SLCO3A1: variants seen among roughly 807,000 people sequenced by gnomAD.
SLCO3A1 encodes PGE1 transporter.
A neutral mutation model predicts 63.1 loss-of-function variants in SLCO3A1; 27 were observed. The observed-to-expected ratio is 0.43, with a 90% CI of 0.32 to 0.59. The LOEUF (loss-of-function observed/expected upper bound fraction) is 0.59, where lower values mean the gene tolerates loss of function less well. SLCO3A1 is among the 20% of genes least tolerant of loss of function. The probability of loss-of-function intolerance (pLI) is 0.09; values close to 1 mark genes in which losing one functional copy is unlikely to be tolerated. For synonymous variants in SLCO3A1, 473 were observed against 409.9 expected, an observed-to-expected ratio of 1.15 and a Z score of -1.86; for missense variants, 773 against 945.8, an observed-to-expected ratio of 0.82 and a Z score of 2.40.
intron 6 of SLCO3A1, among the ~76,000 whole-genome samples, chr15:92,127,009 C>T (rs569569372): frequency 2.2e-4 from 34 of 152,338 alleles, no homozygotes; most frequent in Admixed American, 1.0e-3. Context: ...CCTGCTCCTG[C>T]GCTTGTGCCG....
In SLCO3A1 at chr15:92,101,512, G is replaced by GA. The variant is rs372118233; in HGVS notation, c.746-2756dup. ...CGACAGAGCGAGATCCACCTCAAAAGAAAAAAAAAAATTAGTATTTGTTAT... is the reference window on the plus strand; with the variant it reads ...CGACAGAGCGAGATCCACCTCAAAAGAAAAAAAAAAAATTAGTATTTGTTAT... On this transcript the variant is annotated intron_variant, in intron 3 of 9. Coordinates refer to ENST00000318445, the MANE Select transcript of SLCO3A1 (RefSeq NM_013272.4). Among the ~76,000 whole-genome samples the GA allele has an allele frequency of 1.9e-3, 281 of 146,044 alleles. 1 individual carries two copies. Among genetic ancestry groups the GA allele is most frequent in the Non-Finnish European group, 2.2e-3 (146 of 66,024 alleles).
intron 8 of SLCO3A1, among the ~76,000 whole-genome samples, chr15:92,150,584 GT>G (rs1026093519): frequency 2.0e-5 from 3 of 152,092 alleles, no homozygotes; most frequent in African/African-American, 7.2e-5. Context: ...CTCGGTTGAT[GT>G]TTTCCCCCCC....
At chr15:92,013,587 A>G (rs2046393463) in intron 2 of SLCO3A1, among the ~76,000 whole-genome samples, 1 of 152,250 alleles carries the variant, frequency 6.6e-6, no homozygotes, top group Admixed American at 6.5e-5. Context: ...TTCTCAGCTG[A>G]TGACTTAAAG....
intron 4 of SLCO3A1, among the ~76,000 whole-genome samples, chr15:92,105,118 T>G (rs1290748765): frequency 6.6e-6 from 1 of 151,816 alleles, no homozygotes; most frequent in African/African-American, 2.4e-5. Flanking sequence ...ATACAAAAAT[T>G]AGCCGGGCTT....
chr15:91,895,021 T>G (rs918628910), intron 1 of SLCO3A1, among the ~76,000 whole-genome samples: 1 of 152,224 alleles, frequency 6.6e-6, no homozygotes, highest in Admixed American at 6.5e-5. Flanking sequence ...CCCTGCTTTT[T>G]TGTTTGTCCT....
chr15:91,873,420 C>T (rs538690791), intron 1 of SLCO3A1, among the ~76,000 whole-genome samples: 23 of 151,940 alleles, frequency 1.5e-4, no homozygotes, highest in Non-Finnish European at 2.5e-4. Flanking sequence ...TCTATTATGA[C>T]GAAACAAAAA....
At position 91,916,258 on chromosome 15, in the gene SLCO3A1, T is replaced by G; in HGVS notation, c.446T>G (p.Val149Gly). Residue 149 changes from valine (V) to glycine (G), a missense_variant, in exon 2 of 10, where the codon GTC (valine) becomes GGC (glycine). Physicochemically the swap from Val to Gly is moderately radical, Grantham distance 109. Around this residue, in one of 3 missense-constraint regions of SLCO3A1, gnomAD observed 565 missense variants for 749.8 expected, o/e 0.75. Transcript: ENST00000318445. The surrounding 1 kb of genome is among the most constrained non-coding windows in gnomAD (Gnocchi z 6.2). ...EIRWGAEGRD[V>G]CAANGSGGDE... ...CGCTGGGGCGCCGAGGGCCGCGACG[T>G]CTGCGCAGCCAACGGCTCGGGCGGC... 2 of 1,568,382 alleles carry G rather than the reference T, an allele frequency of 1.3e-6. No homozygotes were observed. Among genetic ancestry groups the G allele is most frequent in the Non-Finnish European group, 8.6e-7 (1 of 1,156,966 alleles).
intron 2 of SLCO3A1, among the ~76,000 whole-genome samples, chr15:91,943,115 G>A (rs548366974): frequency 5.9e-5 from 9 of 152,320 alleles, no homozygotes; most frequent in South Asian, 2.1e-4. Flanking sequence ...AGCATAAAAC[G>A]TAGCATCTTA....
At chr15:91,864,951 G>A (rs1203740971) in intron 1 of SLCO3A1, among the ~76,000 whole-genome samples, 3 of 152,208 alleles carry the variant, frequency 2.0e-5, no homozygotes, top group Admixed American at 1.3e-4. Context: ...ACAGTCACAT[G>A]GGTAGGGACT....
At chr15:92,114,994 T>C (rs1301808697) in intron 4 of SLCO3A1, among the ~76,000 whole-genome samples, 1 of 152,128 alleles carries the variant, frequency 6.6e-6, no homozygotes. Flanking sequence ...TACTGAGCAG[T>C]TGCATGCATT....
intron 2 of SLCO3A1, among the ~76,000 whole-genome samples, chr15:91,966,612 TAAA>T (rs2151425473): frequency 6.6e-6 from 1 of 152,344 alleles, no homozygotes; most frequent in African/African-American, 2.4e-5. Context: ...AAGTTTTCAT[TAAA>T]GCAACAGGCA....
chr15:92,016,254 T>TAGATAGATTGATTAGATAGATAGATAGA, intron 2 of SLCO3A1, among the ~76,000 whole-genome samples: 284 of 95,700 alleles, frequency 3.0e-3, no homozygotes, highest in Non-Finnish European at 3.6e-3. Flanking sequence ...GATAGATAGA[T>TAGATAGATTGATTAGATAGATAGATAGA]TAGATAGATA....
At chr15:92,091,095 C>T (rs1224200600) in intron 2 of SLCO3A1, among the ~76,000 whole-genome samples, 2 of 152,198 alleles carry the variant, frequency 1.3e-5, no homozygotes, top group Non-Finnish European at 2.9e-5. Context: ...TTTCTAGCAA[C>T]GTGCTGGGGC....
At chr15:92,024,541 C>T (rs1041322875) in intron 2 of SLCO3A1, among the ~76,000 whole-genome samples, 1 of 152,190 alleles carries the variant, frequency 6.6e-6, no homozygotes, top group East Asian at 1.9e-4. Context: ...TGTATTCATC[C>T]ACCCACTCAT....
At chr15:91,974,787 A>G (rs1206369628) in intron 2 of SLCO3A1, among the ~76,000 whole-genome samples, 1 of 152,204 alleles carries the variant, frequency 6.6e-6, no homozygotes, top group Non-Finnish European at 1.5e-5. Context: ...GTGATAGGGT[A>G]GGGGTGACCC....
At chr15:91,949,555 G>A (rs917825796) in intron 2 of SLCO3A1, among the ~76,000 whole-genome samples, 1 of 152,100 alleles carries the variant, frequency 6.6e-6, no homozygotes, top group Admixed American at 6.5e-5. Flanking sequence ...ACTTCAACCC[G>A]GGAGGTGGAG....
intron 6 of SLCO3A1, among the ~76,000 whole-genome samples, chr15:92,128,065 A>G (rs2047946852): frequency 6.6e-6 from 1 of 152,112 alleles, no homozygotes; most frequent in Non-Finnish European, 1.5e-5. Flanking sequence ...TCCTCGCTTC[A>G]TGAGAGGGGC....
At chr15:92,096,731 C>T (rs568350959) in intron 3 of SLCO3A1, among the ~76,000 whole-genome samples, 10 of 152,158 alleles carry the variant, frequency 6.6e-5, no homozygotes, top group Non-Finnish European at 1.5e-4. Context: ...TTGTGATTCA[C>T]TCCATTAATC....
intron 2 of SLCO3A1, among the ~76,000 whole-genome samples, chr15:92,016,158 T>C (rs2046423380): frequency 6.6e-6 from 1 of 151,872 alleles, no homozygotes; most frequent in African/African-American, 2.4e-5. Flanking sequence ...GGCTGGGAGA[T>C]AGCAAACCAG....
Sources: gnomAD v4.1 joint callset for allele counts (sites outside exome capture counted in the v4.1 genomes callset) on GRCh38, gnomAD v4.1.1 for gene constraint, gnomAD v4.1.1 regional missense constraint, Gnocchi (gnomAD v3.1) non-coding constraint, MANE v1.5 for transcripts, NCBI Gene and HGNC (gene_info 2026-07-23, HGNC 2026-07-21) for gene names.